The following MROH7 variants were observed in gnomAD, a reference collection of about 807,000 sequenced individuals.
MROH7 encodes the protein maestro heat-like repeat-containing protein family member 7.
MROH7 carries 113 observed loss-of-function variants against 129.2 expected under a neutral mutation model. That is an observed-to-expected ratio of 0.87 (90% CI 0.75 to 1.02). The LOEUF is 1.02. MROH7 is among the 50% of genes least tolerant of loss of function. MROH7 has a pLI of 0.00. For missense variants in MROH7, 1,601 were observed against 1,671.3 expected, an observed-to-expected ratio of 0.96 and a Z score of 0.73; for synonymous variants, 655 against 667.9, an observed-to-expected ratio of 0.98 and a Z score of 0.30.
intron 13 of MROH7, among the ~76,000 whole-genome samples, chr1:54,681,036 G>A (rs900683461): frequency 6.6e-6 from 1 of 152,146 alleles, no homozygotes; most frequent in Non-Finnish European, 1.5e-5. Context: ...ATACAGGACA[G>A]GGCAGTGTCA....
intron 13 of MROH7, among the ~76,000 whole-genome samples, chr1:54,680,765 G>A (rs777448537): frequency 8.5e-5 from 13 of 152,158 alleles, no homozygotes; most frequent in African/African-American, 1.2e-4. Flanking sequence ...CCACACCTTC[G>A]GGTGGTTGTT....
rs774718278 is a variant in MROH7, at chr1:54,682,712, G to A, written c.2438G>A (p.Arg813Gln). The change falls in exon 14 of 24, where the codon CGA (arginine) becomes CAA (glutamine). Residue 813 changes from arginine to glutamine, a missense_variant. By Grantham distance (43) the Arg-to-Gln change is conservative (BLOSUM62 1). Transcript: ENST00000421030. Reference sequence around the variant, plus strand: ...CTGTGTAAGCCCAGCTGTGATGTCCGAGACCTCCTGGATCTGCTCCTGGGC... The same window carrying A: ...CTGTGTAAGCCCAGCTGTGATGTCCAAGACCTCCTGGATCTGCTCCTGGGC... Reference protein sequence around the residue: ...LILCKPSCDVRDLLDLLLGSL... With the variant: ...LILCKPSCDVQDLLDLLLGSL... 11 of 1,613,990 alleles carry A rather than the reference G, an allele frequency of 6.8e-6. No individual in the cohort carries two copies. The highest frequency in any genetic ancestry group is 2.2e-5 in the East Asian group (1 of 44,882).
intron 17 of MROH7, chr1:54,697,124 C>T (rs1164520513): frequency 6.6e-6 from 1 of 152,352 alleles, no homozygotes; most frequent in Non-Finnish European, 1.5e-5. Context: ...TGTCATGAGG[C>T]AGGTCTAGGC....
chr1:54,686,513 C>G, intron 15 of MROH7, 65 bp downstream of exon 15: 1 of 1,467,616 alleles, frequency 6.8e-7, no homozygotes, highest in Non-Finnish European at 9.4e-7. Context: ...CCAGTCAGAG[C>G]CTCCAAAAGT....
intron 17 of MROH7, chr1:54,695,701 C>T (rs1443521139): frequency 1.7e-6 from 1 of 603,748 alleles, no homozygotes; most frequent in African/African-American, 1.8e-5. Context: ...ACCAGACTCC[C>T]CTAGTGCCCA....
At chr1:54,706,406 A>G in intron 21 of MROH7, 29 bp from the exon 22 acceptor site, 5 of 1,562,744 alleles carry the variant, frequency 3.2e-6, no homozygotes, top group Non-Finnish European at 4.4e-6. Flanking sequence ...CTGAGAGGCC[A>G]GCACTTTTGG....
intron 7 of MROH7, among the ~76,000 whole-genome samples, chr1:54,672,346 C>T (rs1644915311): frequency 6.6e-6 from 1 of 151,720 alleles, no homozygotes; most frequent in South Asian, 2.1e-4. Flanking sequence ...GGAGTCTAGA[C>T]AATAACAACC....
chr1:54,679,538 G>T, intron 12 of MROH7, 99 bp downstream of exon 12: 1 of 1,328,328 alleles, frequency 7.5e-7, no homozygotes, highest in East Asian at 2.4e-5. Context: ...GGGCAGGGTG[G>T]GGTATACCTG....
Position 54,709,006 on chromosome 1 carries a change from CGCT to C in MROH7, c.3668-7_3668-5del. On this transcript the variant is annotated splice_region_variant and splice_polypyrimidine_tract_variant and intron_variant, in intron 22 of 23. Transcript: ENST00000421030. ...ACAAATGCCCTCACTTCTTGGATTA[CGCT>C]CAAGGGTCCCTGGTCCCCTGCATGG... The C allele has an allele frequency of 6.2e-7, 1 of 1,614,034 alleles. No homozygotes were observed. Among genetic ancestry groups the C allele is most frequent in the Non-Finnish European group, 8.5e-7 (1 of 1,179,916 alleles).
In MROH7 at chr1:54,666,213, C is replaced by T. The variant is rs1037483077; in HGVS notation, c.1305+973C>T. ...GGCCAAGGGAAAATGTCCCCTTCAT[C>T]CTCTGAAGGTCTGCTGAAAAAAATC... is the stretch of plus-strand genomic sequence containing the variant. On this transcript the variant is annotated intron_variant, in intron 4 of 23. Transcript: ENST00000421030. 5.3e-5 allele frequency among the ~76,000 whole-genome samples: 8 copies of T among 152,240 alleles called. No homozygotes were observed. The East Asian group carries it at 1.5e-3, about 29-fold the overall frequency.
chr1:54,700,428 A>C lies in MROH7; in HGVS notation c.3072A>C (p.Arg1024=). The change falls in exon 18 of 24, where the codon CGA becomes CGC. Residue 1024 remains arginine, a synonymous_variant. Coordinates refer to ENST00000421030, the MANE Select transcript of MROH7 (RefSeq NM_001039464.4). Reference sequence around the variant, plus strand: ...CCATCATGAAGGTGCTGTCCATTCGAGGCCTGGTCATCCTGGCCCGCAGGT... The same window carrying C: ...CCATCATGAAGGTGCTGTCCATTCGCGGCCTGGTCATCCTGGCCCGCAGGT... ...HDPIMKVLSI[R]GLVILARRSE... is the part of the protein sequence containing the mutation. 1 of 1,609,074 alleles carries C rather than the reference A, an allele frequency of 6.2e-7. No homozygotes were observed. The highest frequency in any genetic ancestry group is 1.3e-5 in the African/African-American group (1 of 74,976).
At chr1:54,681,738 G>A (rs1569938278) in intron 13 of MROH7, among the ~76,000 whole-genome samples, 1 of 152,178 alleles carries the variant, frequency 6.6e-6, no homozygotes, top group South Asian at 2.1e-4. Context: ...CCTTTTAAGG[G>A]ATGGGAACAG....
chr1:54,673,741 G>C lies in MROH7; in HGVS notation c.1736G>C (p.Arg579Pro). The C allele has an allele frequency of 6.2e-7, 1 of 1,614,146 alleles. No individual in the cohort carries two copies. The highest frequency in any genetic ancestry group is 1.1e-5 in the South Asian group (1 of 91,078). ...ATGAACTCTGGGAAGGCCCATGAGC[G>C]AGCACGGGCTGTGAACACCAATGTC... ...PWMNSGKAHE[R>P]ARAVNTNVSV... Residue 579 changes from arginine to proline, a missense_variant, in exon 9 of 24, where the codon CGA becomes CCA. Transcript: ENST00000421030.
At position 54,678,695 on chromosome 1, in the gene MROH7, C is replaced by T. The variant is rs935761607; in HGVS notation, c.1937-47C>T. 5.0e-6 allele frequency: 7 copies of T among 1,404,892 alleles called. No homozygotes were observed. In the African/African-American group the frequency reaches 8.5e-5, roughly 17 times the overall value. 87.0% of individuals were successfully genotyped at this position (1,404,892 alleles called of 1,614,324 possible). ...AGGGACTTCCTACATGTATGTTTAA[C>T]AAAAATAGGGAGATCCGGCCTCACT... On this transcript the variant is annotated intron_variant, in intron 10 of 23. Coordinates refer to ENST00000421030, the MANE Select transcript of MROH7 (RefSeq NM_001039464.4).
chr1:54,662,089 G>A (rs995277060), intron 3 of MROH7, among the ~76,000 whole-genome samples: 6 of 151,868 alleles, frequency 4.0e-5, no homozygotes, highest in African/African-American at 7.3e-5. Flanking sequence ...ATGTGGTAGC[G>A]TGGGCCTGTA....
In MROH7 at chr1:54,702,096, G is replaced by A; in HGVS notation, c.3292G>A (p.Glu1098Lys). 3 of 1,595,182 alleles carry A rather than the reference G, an allele frequency of 1.9e-6. No homozygotes were observed. The highest frequency in any genetic ancestry group is 1.7e-6 in the Non-Finnish European group (2 of 1,169,634). Residue 1098 changes from glutamate to lysine, a missense_variant, in exon 20 of 24, where the codon GAG becomes AAG. By Grantham distance (56) the Glu-to-Lys change is moderately conservative. Coordinates refer to ENST00000421030, the MANE Select transcript of MROH7 (RefSeq NM_001039464.4). ...AGCCTTTGGTCTTCCCCAGGCACGAGAGGTCGTGCGCTCCTCCTGCATCAA... is the reference window on the plus strand; with the variant it reads ...AGCCTTTGGTCTTCCCCAGGCACGAAAGGTCGTGCGCTCCTCCTGCATCAA... ...ILLPHFSDAR[E>K]VVRSSCINLY...
chr1:54,692,199 G>C (rs1046420431), intron 15 of MROH7, among the ~76,000 whole-genome samples: 1 of 152,200 alleles, frequency 6.6e-6, no homozygotes, highest in Non-Finnish European at 1.5e-5. Flanking sequence ...AGAGGTAAAA[G>C]CACAGCCTTC....
rs554828281 is a variant in MROH7 at position 54,673,876 on chromosome 1, T to A, written c.1800+71T>A. ...CCACTTCTGAAGGAGCCCGTACCTC[T>A]GTTCAGGGATTCCCAGGTGGCTCTT... On this transcript the variant is annotated intron_variant, in intron 9 of 23. Transcript: ENST00000421030. The A allele has an allele frequency of 1.8e-4, 277 of 1,524,646 alleles. 4 individuals are homozygous for A. The South Asian group carries it at 3.0e-3, about 16-fold the overall frequency. The allele number at this position is 1,524,646 out of a possible 1,614,324, so 94.4% of individuals were successfully genotyped here.
chr1:54,647,398 G>A (rs1389573498), intron 1 of MROH7, among the ~76,000 whole-genome samples: 1 of 151,814 alleles, frequency 6.6e-6, no homozygotes, highest in Non-Finnish European at 1.5e-5. Flanking sequence ...ATCACTTGAG[G>A]TCAGGAGTTT....
Sources: gnomAD v4.1 joint callset for allele counts (sites outside exome capture counted in the v4.1 genomes callset) on GRCh38, gnomAD v4.1.1 for gene constraint, MANE v1.5 for transcripts, NCBI Gene and HGNC (gene_info 2026-07-23, HGNC 2026-07-21) for gene names.